Variants in SOX6 observed in about 807,000 individuals in gnomAD.
SOX6 encodes the protein transcription factor SOX-6.
A neutral mutation model predicts 97.8 loss-of-function variants in SOX6; 11 were observed. The ratio of observed to expected loss-of-function variants is 0.11; its 90% CI spans 0.07 to 0.19. SOX6 has a LOEUF of 0.19. SOX6 is among the 10% of genes least tolerant of loss of function. The pLI is 1.00. For missense variants in SOX6, 810 were observed against 1,039.5 expected, an observed-to-expected ratio of 0.78 and a Z score of 3.04; for synonymous variants, 360 against 371.4, an observed-to-expected ratio of 0.97 and a Z score of 0.35.
intron 1 of SOX6, among the ~76,000 whole-genome samples, chr11:16,378,202 G>C (rs1857695138): frequency 6.6e-6 from 1 of 152,144 alleles, no homozygotes; most frequent in Non-Finnish European, 1.5e-5. Context: ...GCTAGGTATT[G>C]TGGATTCGTT....
intron 1 of SOX6, among the ~76,000 whole-genome samples, chr11:16,393,570 T>C (rs779957816): frequency 1.3e-5 from 2 of 152,106 alleles, no homozygotes; most frequent in Non-Finnish European, 2.9e-5. Context: ...CCTTATCACA[T>C]GGCTTCATTT....
At chr11:16,089,003 A>C (rs1325854249) in intron 9 of SOX6, among the ~76,000 whole-genome samples, 1 of 152,172 alleles carries the variant, frequency 6.6e-6, no homozygotes, top group African/African-American at 2.4e-5. Context: ...GGTCTAGGTT[A>C]ATATAGACAT....
chr11:16,167,314 A>G (rs1850913335), intron 6 of SOX6, among the ~76,000 whole-genome samples: 1 of 152,082 alleles, frequency 6.6e-6, no homozygotes, highest in Non-Finnish European at 1.5e-5. Context: ...TTGCTCTTAC[A>G]ATATATCTAG....
At position 16,388,112 on chromosome 11, in the gene SOX6, T is replaced by C. The variant is rs1590178082; in HGVS notation, c.-4-46860A>G. Among the ~76,000 whole-genome samples, 4 of 152,172 alleles carry C rather than the reference T, an allele frequency of 2.6e-5. No individual in the cohort carries two copies. The East Asian group carries it at 7.7e-4, about 29-fold the overall frequency. On this transcript the variant is annotated intron_variant, in intron 1 of 15. Transcript: ENST00000396356. ...TCCTTTTCAGATAAAAATAGTTTTA[T>C]TATATTCCTAGATTGCTGGGAGTTT...
intron 3 of SOX6, among the ~76,000 whole-genome samples, chr11:16,658,707 CA>C (rs35437119): frequency 7.2e-4 from 101 of 140,366 alleles, no homozygotes; most frequent in Admixed American, 8.6e-4. Flanking sequence ...GACTCCGTCT[CA>C]AAAAAAAAAA....
chr11:16,535,375 C>T (rs188907589), intron 4 of SOX6, among the ~76,000 whole-genome samples: 1 of 152,082 alleles, frequency 6.6e-6, no homozygotes, highest in Admixed American at 6.6e-5. Flanking sequence ...TTTTTTGAAG[C>T]ATGATTCAAA....
chr11:16,509,581 C>T (rs1860846632), intron 4 of SOX6, among the ~76,000 whole-genome samples: 1 of 151,850 alleles, frequency 6.6e-6, no homozygotes, highest in South Asian at 2.1e-4. Context: ...TAGTACTGTG[C>T]TAATAAATAC....
intron 9 of SOX6, among the ~76,000 whole-genome samples, chr11:16,082,423 AC>A (rs1249907967): frequency 6.6e-6 from 1 of 152,160 alleles, no homozygotes; most frequent in Non-Finnish European, 1.5e-5. Context: ...TAGATTTCTT[AC>A]TTCTTGCTTC....
At chr11:16,149,957 G>T (rs910748484) in intron 6 of SOX6, among the ~76,000 whole-genome samples, 1 of 152,154 alleles carries the variant, frequency 6.6e-6, no homozygotes, top group African/African-American at 2.4e-5. Flanking sequence ...CAAAGCAATT[G>T]ATTTGACTGA....
At chr11:16,617,152 T>C (rs1242173050) in intron 3 of SOX6, among the ~76,000 whole-genome samples, 3 of 151,932 alleles carry the variant, frequency 2.0e-5, no homozygotes, top group Admixed American at 1.3e-4. Flanking sequence ...CATTGGGTTT[T>C]GTTGAATTTT....
chr11:16,154,183 A>G (rs1168030935), intron 6 of SOX6, among the ~76,000 whole-genome samples: 1 of 152,134 alleles, frequency 6.6e-6, no homozygotes, highest in Non-Finnish European at 1.5e-5. Flanking sequence ...AAGATACCTT[A>G]CATATCTTAA....
chr11:16,138,147 C>T (rs1012845257), intron 6 of SOX6, among the ~76,000 whole-genome samples: 3 of 152,166 alleles, frequency 2.0e-5, no homozygotes, highest in Admixed American at 6.6e-5. Context: ...CATAGTTCTA[C>T]ATATAGAATT....
chr11:16,055,618 A>G, intron 10 of SOX6, 134 bp downstream of exon 10: 1 of 1,027,090 alleles, frequency 9.7e-7, no homozygotes, highest in Non-Finnish European at 1.5e-6. Flanking sequence ...GAAATTTACC[A>G]TAAAGAGGGA....
At chr11:16,339,481 T>C (rs1415182989) in intron 2 of SOX6, among the ~76,000 whole-genome samples, 1 of 152,052 alleles carries the variant, frequency 6.6e-6, no homozygotes, top group Non-Finnish European at 1.5e-5. Context: ...CTCTACCTGG[T>C]TAGTTCTTAC....
At chr11:16,384,383 AG>A (rs1479102759) in intron 1 of SOX6, among the ~76,000 whole-genome samples, 1 of 151,936 alleles carries the variant, frequency 6.6e-6, no homozygotes, top group Non-Finnish European at 1.5e-5. Context: ...AGAAGAATAA[AG>A]GTATTAAAAT....
At chr11:16,445,886 G>T (rs1198153053) in intron 1 of SOX6, among the ~76,000 whole-genome samples, 2 of 152,002 alleles carry the variant, frequency 1.3e-5, no homozygotes, top group African/African-American at 4.8e-5. Context: ...TGGAATCTTT[G>T]GTTTTTCTCT....
intron 4 of SOX6, among the ~76,000 whole-genome samples, chr11:16,218,816 C>T (rs1852449364): frequency 2.6e-5 from 4 of 152,000 alleles, no homozygotes; most frequent in Admixed American, 2.6e-4. Context: ...TGTGGAGTTC[C>T]TCCTTTCATT....
intron 3 of SOX6, among the ~76,000 whole-genome samples, chr11:16,657,625 T>C (rs1847732978): frequency 6.6e-6 from 1 of 152,244 alleles, no homozygotes; most frequent in African/African-American, 2.4e-5. Flanking sequence ...CAAGGTTTTG[T>C]GTTGCTGTTT....
chr11:16,155,704 C>A (rs1301971938), intron 6 of SOX6, among the ~76,000 whole-genome samples: 2 of 152,088 alleles, frequency 1.3e-5, no homozygotes, highest in Non-Finnish European at 2.9e-5. Context: ...CCACAACATG[C>A]TTTTATTAAA....
Sources: allele counts gnomAD v4.1 joint callset (sites outside exome capture counted in the v4.1 genomes callset), GRCh38; gene constraint gnomAD v4.1.1; transcripts MANE v1.5; gene names NCBI Gene and HGNC (gene_info 2026-07-23, HGNC 2026-07-21).